The following PCDHGB6 variants were observed in gnomAD, a reference collection of about 807,000 sequenced individuals.
PCDHGB6 encodes protocadherin gamma subfamily B, 6.
A neutral mutation model predicts 59.1 loss-of-function variants in PCDHGB6; 51 were observed. The observed-to-expected ratio is 0.86, with a 90% CI of 0.69 to 1.09. PCDHGB6 has a LOEUF of 1.09. PCDHGB6 is among the 50% of genes least tolerant of loss of function. The pLI is 0.00. For synonymous variants in PCDHGB6, 466 were observed against 495.1 expected (o/e 0.94, Z 0.78); for missense variants, 1,148 against 1,205.1 (o/e 0.95, Z 0.70).
At chr5:141,417,897 C>T (rs2096182334) in intron 1 of PCDHGB6, 1 of 1,578,084 alleles carries the variant, frequency 6.3e-7, no homozygotes, top group African/African-American at 1.4e-5. Context: ...CGGGCCGGCC[C>T]GCGGCAGGTA....
In PCDHGB6 at chr5:141,408,301, C is replaced by G; in HGVS notation, c.99C>G (p.Ile33Met). 1 of 1,613,756 alleles carries G rather than the reference C, an allele frequency of 6.2e-7. No individual in the cohort carries two copies. The highest frequency in any genetic ancestry group is 8.5e-7 in the Non-Finnish European group (1 of 1,179,718). The change falls in exon 1 of 4, where the codon ATC becomes ATG. Residue 33 changes from isoleucine to methionine, a missense_variant. This residue lies in a region of PCDHGB6 where 307 missense variants were observed against 323.8 expected (regional missense o/e 0.95). Coordinates refer to ENST00000520790, the MANE Select transcript of PCDHGB6 (RefSeq NM_018926.3). ...PLFYPTLSEP[I>M]RYSIPEELAK... ...TCTACCCCACCCTGAGTGAGCCGAT[C>G]CGCTACTCGATTCCGGAGGAGCTGG...
intron 1 of PCDHGB6, chr5:141,418,374 T>C: frequency 1.2e-6 from 2 of 1,613,968 alleles, no homozygotes; most frequent in Non-Finnish European, 1.7e-6. Flanking sequence ...AAATACCAAC[T>C]AAGTCCTAAC....
rs201160783 is a variant in PCDHGB6, at chr5:141,418,846, A to G, written c.2418+8226A>G. The G allele has an allele frequency of 7.4e-5, 120 of 1,613,976 alleles. No homozygotes were observed. In the East Asian group the frequency reaches 2.6e-3, roughly 34 times the overall value. On this transcript the variant is annotated intron_variant, in intron 1 of 3. Transcript: ENST00000520790. Reference sequence around the variant, plus strand: ...CAAAAGACCGAGGATCTCTCTCAACACGGTGTAAAGTAATTGTAGAAGTTG... The same window carrying G: ...CAAAAGACCGAGGATCTCTCTCAACGCGGTGTAAAGTAATTGTAGAAGTTG...
chr5:141,490,833 G>C lies in PCDHGB6; in HGVS notation c.2419-3974G>C, dbSNP rs781529579. ...ACTATGAATTGCTGCAGATGCTGCA[G>C]ATTGTGGTGGGGGTTCGAGACTCCG... On this transcript the variant is annotated intron_variant, in intron 1 of 3. Coordinates refer to ENST00000520790, the MANE Select transcript of PCDHGB6 (RefSeq NM_018926.3). This position sits in a 1 kb window ranked among gnomAD's most constrained non-coding sequence, Gnocchi z 5.4. The C allele has an allele frequency of 6.2e-7, 1 of 1,613,932 alleles. No homozygotes were observed. Among genetic ancestry groups the C allele is most frequent in the East Asian group, 2.2e-5 (1 of 44,884 alleles).
intron 1 of PCDHGB6, among the ~76,000 whole-genome samples, chr5:141,492,802 G>A (rs1490284966): frequency 6.6e-6 from 1 of 152,234 alleles, no homozygotes; most frequent in Non-Finnish European, 1.5e-5. Flanking sequence ...GCAGGACTGG[G>A]ACTCCAGTGG....
At chr5:141,503,335 G>A (rs111643076) in intron 2 of PCDHGB6, among the ~76,000 whole-genome samples, 108 of 152,220 alleles carry the variant, frequency 7.1e-4, no homozygotes, top group African/African-American at 2.4e-3. Context: ...GGTGGCTCAC[G>A]CCTGTAATTC....
At chr5:141,422,328 T>C (rs1561800810) in intron 1 of PCDHGB6, 4 of 1,548,502 alleles carry the variant, frequency 2.6e-6, no homozygotes, top group Non-Finnish European at 2.6e-6. Flanking sequence ...GTACAGTGAT[T>C]GCTCTTCTAA....
chr5:141,444,470 C>T (rs1275997551), intron 1 of PCDHGB6, among the ~76,000 whole-genome samples: 2 of 152,058 alleles, frequency 1.3e-5, no homozygotes, highest in African/African-American at 2.4e-5. Flanking sequence ...TGCGCCCGGT[C>T]GCGTACTGGA....
chr5:141,416,990 A>C (rs912916110), intron 1 of PCDHGB6: 20 of 151,946 alleles, frequency 1.3e-4, no homozygotes, highest in African/African-American at 4.1e-4. Flanking sequence ...ATTATTGTGC[A>C]TTCATCTCAA....
At chr5:141,423,659 A>T (rs369390148) in intron 1 of PCDHGB6, 133 of 1,551,038 alleles carry the variant, frequency 8.6e-5, no homozygotes, top group Non-Finnish European at 1.1e-4. Context: ...ACAAGTAATC[A>T]GGTGAGATTT....
At chr5:141,415,122 C>T (rs552568826) in intron 1 of PCDHGB6, 34 of 1,613,668 alleles carry the variant, frequency 2.1e-5, no homozygotes, top group Admixed American at 6.7e-5. Flanking sequence ...TCGTAGTGGC[C>T]GTCCAGGACC....
intron 1 of PCDHGB6, among the ~76,000 whole-genome samples, chr5:141,459,937 G>A (rs904431112): frequency 6.6e-6 from 1 of 152,132 alleles, no homozygotes; most frequent in Non-Finnish European, 1.5e-5. Flanking sequence ...TTGTAGCTGG[G>A]CGTGATGGCA....
intron 1 of PCDHGB6, chr5:141,417,121 G>C (rs2096086482): frequency 6.6e-6 from 1 of 152,110 alleles, no homozygotes; most frequent in Non-Finnish European, 1.5e-5. Context: ...GGACACCCTG[G>C]ATGATGGTAA....
intron 2 of PCDHGB6, among the ~76,000 whole-genome samples, chr5:141,496,538 T>G (rs568286018): frequency 1.5e-4 from 23 of 152,266 alleles, no homozygotes; most frequent in African/African-American, 5.5e-4. Flanking sequence ...TGGCAGAGAT[T>G]CCAGCTTCTG....
At chr5:141,488,872 T>C (rs773185475) in intron 1 of PCDHGB6, among the ~76,000 whole-genome samples, 4 of 151,794 alleles carry the variant, frequency 2.6e-5, no homozygotes, top group Non-Finnish European at 5.9e-5. Flanking sequence ...AGTGGGGAGG[T>C]AGGAAGCTTC....
intron 1 of PCDHGB6, chr5:141,418,840 C>T: frequency 6.2e-7 from 1 of 1,614,006 alleles, no homozygotes; most frequent in Middle Eastern, 1.6e-4. Context: ...GAGGATCTCT[C>T]TCAACACGGT....
chr5:141,417,900 G>C, intron 1 of PCDHGB6: 2 of 1,583,452 alleles, frequency 1.3e-6, no homozygotes, highest in Non-Finnish European at 1.7e-6. Context: ...GCCGGCCCGC[G>C]GCAGGTACTA....
intron 1 of PCDHGB6, among the ~76,000 whole-genome samples, chr5:141,449,588 CAAAAAAAA>C (rs768743917): frequency 1.7e-5 from 1 of 57,492 alleles, no homozygotes; most frequent in South Asian, 6.3e-4. Context: ...GACTCTGTCT[CAAAAAAAA>C]AAAAAAAAAA....
chr5:141,415,029 G>A (rs777967290), intron 1 of PCDHGB6: 4 of 1,613,436 alleles, frequency 2.5e-6, no homozygotes, highest in Non-Finnish European at 3.4e-6. Flanking sequence ...CCAGCGAGCC[G>A]GGACTCTTCG....
Sources: allele counts gnomAD v4.1 joint callset (sites outside exome capture counted in the v4.1 genomes callset), GRCh38; gene constraint gnomAD v4.1.1; regional missense constraint gnomAD v4.1.1; non-coding constraint Gnocchi (gnomAD v3.1); transcripts MANE v1.5; gene names NCBI Gene and HGNC (gene_info 2026-07-23, HGNC 2026-07-21).